Variants in NMUR2 observed in about 807,000 individuals in gnomAD.
NMUR2 encodes neuromedin U receptor 2.
NMUR2 carries 24 observed loss-of-function variants against 25.1 expected under a neutral mutation model. The observed-to-expected ratio is 0.96, with a 90% CI of 0.69 to 1.34. The LOEUF (loss-of-function observed/expected upper bound fraction) is 1.34, where lower values mean the gene tolerates loss of function less well. Among genes scored for constraint, NMUR2 ranks in the 40% most tolerant of loss-of-function variants. The probability of loss-of-function intolerance (pLI) is 0.00; values close to 1 mark genes in which losing one functional copy is unlikely to be tolerated. For missense variants in NMUR2, 533 were observed against 512.8 expected, an observed-to-expected ratio of 1.04 and a Z score of -0.38; for synonymous variants, 218 against 208.1, an observed-to-expected ratio of 1.05 and a Z score of -0.41.
chr5:152,395,699 G>T, intron 2 of NMUR2, 115 bp from the exon 3 acceptor site: 2 of 1,258,022 alleles, frequency 1.6e-6, no homozygotes, highest in Middle Eastern at 2.1e-4. Context: ...ACTTTGTTAA[G>T]CTATAACAGT....
chr5:152,402,780 A>G (rs1023589924), intron 1 of NMUR2, among the ~76,000 whole-genome samples: 2 of 152,178 alleles, frequency 1.3e-5, no homozygotes, highest in Admixed American at 6.5e-5. Context: ...TTCTTAAGAC[A>G]TGGCTGTGAG....
intron 2 of NMUR2, among the ~76,000 whole-genome samples, chr5:152,396,119 A>G (rs1414691479): frequency 2.0e-5 from 3 of 151,984 alleles, no homozygotes; most frequent in African/African-American, 2.4e-5. Context: ...ATTCCTTCCC[A>G]TCTCTTATTT....
intron 2 of NMUR2, among the ~76,000 whole-genome samples, chr5:152,397,695 G>A (rs1005756956): frequency 5.9e-5 from 9 of 152,028 alleles, no homozygotes; most frequent in African/African-American, 2.2e-4. Context: ...TTCACAGAGG[G>A]GGAAAGTGAA....
intron 1 of NMUR2, among the ~76,000 whole-genome samples, chr5:152,399,110 T>C (rs754857023): frequency 3.9e-5 from 6 of 152,172 alleles, no homozygotes; most frequent in Non-Finnish European, 7.4e-5. Context: ...TTTTTCTCTT[T>C]ATTTTACACA....
In NMUR2 at chr5:152,399,925, A is replaced by G. The variant is rs575059488; in HGVS notation, c.727-1781T>C. On this transcript the variant is annotated intron_variant, in intron 1 of 3. Coordinates refer to ENST00000255262, the MANE Select transcript of NMUR2 (RefSeq NM_020167.5). The stretch of plus-strand genomic sequence containing the variant: ...GATTCTAATTCAAGATAAGGAAGAA[A>G]TTGTTGTGATTATGTGCAATAATGA... 1.1e-3 allele frequency among the ~76,000 whole-genome samples: 162 copies of G among 152,302 alleles called. 1 individual carries two copies. Among genetic ancestry groups the G allele is most frequent in the African/African-American group, 3.7e-3 (152 of 41,588 alleles).
intron 1 of NMUR2, 139 bp from the exon 2 acceptor site, chr5:152,398,283 T>C (rs1304282051): frequency 4.7e-6 from 3 of 633,064 alleles, no homozygotes; most frequent in Non-Finnish European, 8.3e-6. Flanking sequence ...CTACGTCAAA[T>C]GTTTAACAGT....
chr5:152,392,187 G>C lies in NMUR2; in HGVS notation c.*4C>G. On this transcript the variant is annotated 3_prime_UTR_variant, in exon 4 of 4. Transcript: ENST00000255262. The stretch of plus-strand genomic sequence containing the variant: ...GCATAGAGGAGAGTCAGCTCTGAAA[G>C]AATTCAGGTTTTGTTAAAGTGGAAG... The C allele has an allele frequency of 6.2e-7, 1 of 1,606,368 alleles. No homozygotes were observed. Among genetic ancestry groups the C allele is most frequent in the Non-Finnish European group, 8.5e-7 (1 of 1,175,082 alleles).
chr5:152,394,886 CTT>C (rs917873577), intron 3 of NMUR2, among the ~76,000 whole-genome samples: 3 of 115,976 alleles, frequency 2.6e-5, no homozygotes, highest in African/African-American at 3.4e-5. Flanking sequence ...GTTGAGGAAA[CTT>C]TGGTGTGAAG....
Position 152,404,494 on chromosome 5 carries a change from A to G in NMUR2, c.620T>C (p.Ile207Thr). The stretch of plus-strand genomic sequence containing the variant: ...GAAATTGTAGATCCACATGGGCTTG[A>G]TGACCGTACAGGTGGCCGAACCTGG... ...LVPGSATCTV[I>T]KPMWIYNFII... The change falls in exon 1 of 4, where the codon ATC (isoleucine) becomes ACC (threonine). Residue 207 changes from isoleucine (I) to threonine (T), a missense_variant. Coordinates refer to ENST00000255262, the MANE Select transcript of NMUR2 (RefSeq NM_020167.5). 2 of 1,614,154 alleles carry G rather than the reference A, an allele frequency of 1.2e-6. No homozygotes were observed. The highest frequency in any genetic ancestry group is 1.7e-6 in the Non-Finnish European group (2 of 1,180,018).
intron 2 of NMUR2, among the ~76,000 whole-genome samples, chr5:152,397,661 C>A (rs1037555685): frequency 6.7e-6 from 1 of 149,778 alleles, no homozygotes; most frequent in African/African-American, 2.5e-5. Context: ...ATCCATAATA[C>A]AAATAGGTTA....
In NMUR2 at chr5:152,405,000, T is replaced by C; in HGVS notation, c.114A>G (p.Gly38=). ...STEEYLAFLC[G]PRRSHFFLPV... ...GGAGGAAGAAGTGGCTGCGCCGAGG[T>C]CCGCAGAGGAAGGCCAGATACTCCT... The change falls in exon 1 of 4, where the codon GGA becomes GGG. Residue 38 remains glycine, a synonymous_variant. Transcript: ENST00000255262. 6.2e-7 allele frequency: 1 copy of C among 1,613,156 alleles called. No homozygotes were observed. Among genetic ancestry groups the C allele is most frequent in the African/African-American group, 1.3e-5 (1 of 74,720 alleles).
intron 3 of NMUR2, 97 bp downstream of exon 3, chr5:152,395,362 C>A: frequency 7.4e-7 from 1 of 1,350,044 alleles, no homozygotes; most frequent in Non-Finnish European, 1.0e-6. Context: ...GGCAGATCCC[C>A]GTGATAAATT....
intron 1 of NMUR2, among the ~76,000 whole-genome samples, chr5:152,401,056 G>A (rs2113101513): frequency 6.6e-6 from 1 of 152,288 alleles, no homozygotes; most frequent in African/African-American, 2.4e-5. Context: ...TGTTCCAACA[G>A]AATTTGGAGT....
intron 1 of NMUR2, among the ~76,000 whole-genome samples, chr5:152,400,578 G>A (rs1400569381): frequency 1.3e-5 from 2 of 152,256 alleles, no homozygotes; most frequent in East Asian, 1.9e-4. Context: ...TGATACAAAG[G>A]AGGCAGATAT....
At chr5:152,398,837 T>C (rs1396582415) in intron 1 of NMUR2, among the ~76,000 whole-genome samples, 1 of 152,168 alleles carries the variant, frequency 6.6e-6, no homozygotes, top group Admixed American at 6.5e-5. Context: ...AATATTACAG[T>C]AATATTAATT....
At chr5:152,399,886 G>A (rs1332421832) in intron 1 of NMUR2, among the ~76,000 whole-genome samples, 3 of 152,116 alleles carry the variant, frequency 2.0e-5, no homozygotes, top group Admixed American at 2.0e-4. Flanking sequence ...AATCTATTTA[G>A]TTACAGGTAG....
chr5:152,397,155 A>T (rs1351469834), intron 2 of NMUR2, among the ~76,000 whole-genome samples: 1 of 152,010 alleles, frequency 6.6e-6, no homozygotes, highest in African/African-American at 2.4e-5. Flanking sequence ...CTTAGAATCG[A>T]GAAGACCCAC....
At chr5:152,393,826 G>A (rs1015346298) in intron 3 of NMUR2, among the ~76,000 whole-genome samples, 1 of 152,180 alleles carries the variant, frequency 6.6e-6, no homozygotes, top group African/African-American at 2.4e-5. Flanking sequence ...GAAGACAGGA[G>A]AGGGTGTTGC....
At chr5:152,397,962 T>A (rs1753187724) in intron 2 of NMUR2, 98 bp downstream of exon 2, 1 of 784,044 alleles carries the variant, frequency 1.3e-6, no homozygotes, top group African/African-American at 1.7e-5. Flanking sequence ...TGTTTCAGGA[T>A]AAATTGGAAC....
Sources: allele counts gnomAD v4.1 joint callset (sites outside exome capture counted in the v4.1 genomes callset), GRCh38; gene constraint gnomAD v4.1.1; transcripts MANE v1.5; gene names NCBI Gene and HGNC (gene_info 2026-07-23, HGNC 2026-07-21).